Variants in DDX42 observed in about 807,000 individuals in gnomAD.
DDX42 encodes the protein ATP-dependent RNA helicase DDX42.
A neutral mutation model predicts 101.5 loss-of-function variants in DDX42; 22 were observed. The observed-to-expected ratio is 0.22, with a 90% CI of 0.15 to 0.31. The LOEUF (loss-of-function observed/expected upper bound fraction) is 0.31, where lower values mean the gene tolerates loss of function less well. Among genes scored for constraint, DDX42 ranks in the 10% least tolerant of loss-of-function variants. The pLI, the probability that DDX42 is intolerant of heterozygous loss-of-function variation, is 1.00. For missense variants in DDX42, 849 were observed against 1,199.9 expected (o/e 0.71, Z 4.32); for synonymous variants, 402 against 401.2 (o/e 1.00, Z -0.02).
At chr17:63,815,900 A>T (rs960609148) in intron 16 of DDX42, 3 of 271,458 alleles carry the variant, frequency 1.1e-5, no homozygotes, top group African/African-American at 4.5e-5. Context: ...TCAGGAAATT[A>T]TTCTAGATTA....
At chr17:63,800,749 G>T in intron 6 of DDX42, 132 bp downstream of exon 6, 1 of 1,088,070 alleles carries the variant, frequency 9.2e-7, no homozygotes, top group Non-Finnish European at 1.3e-6. Context: ...TCTACTAAGT[G>T]GTTGAGCCAC....
Position 63,817,762 on chromosome 17 carries a change from G to C in DDX42, c.2181G>C (p.Gly727=). ...AGAAGGCTGGAAGTTCTGCTGCTGG[G>C]GCAAGTGGGTGGACTAGTGCAGGGA... ...SNQKAGSSAA[G]ASGWTSAGSL... Residue 727 remains glycine (G), a synonymous_variant, in exon 18 of 18, where the codon GGG becomes GGC. Transcript: ENST00000389924. The C allele has an allele frequency of 6.2e-7, 1 of 1,614,180 alleles. No homozygotes were observed. Among genetic ancestry groups the C allele is most frequent in the Non-Finnish European group, 8.5e-7 (1 of 1,180,038 alleles).
At chr17:63,788,159 C>T (rs1324787288) in intron 2 of DDX42, among the ~76,000 whole-genome samples, 3 of 151,808 alleles carry the variant, frequency 2.0e-5, no homozygotes, top group Non-Finnish European at 4.4e-5. Context: ...CCCGCCTTGG[C>T]CTCCCAAAGT....
chr17:63,810,550 T>C lies in DDX42; in HGVS notation c.1290T>C (p.Pro430=). The C allele has an allele frequency of 6.2e-7, 1 of 1,614,118 alleles. No homozygotes were observed. The change falls in exon 12 of 18, where the codon CCT becomes CCC. Residue 430 remains proline, a synonymous_variant. Transcript: ENST00000389924. ...QVRSIASHVR[P]DRQTLLFSAT... ...GATCCATAGCAAGTCATGTTCGTCCTGACAGGCAGAGTATGTATGAAGCAC... is the reference window on the plus strand; with the variant it reads ...GATCCATAGCAAGTCATGTTCGTCCCGACAGGCAGAGTATGTATGAAGCAC...
At chr17:63,812,590 T>G (rs184775900) in intron 14 of DDX42, among the ~76,000 whole-genome samples, 1 of 152,322 alleles carries the variant, frequency 6.6e-6, no homozygotes, top group East Asian at 1.9e-4. Flanking sequence ...ATTTCTGGAT[T>G]TGTTCTGTCA....
Position 63,818,571 on chromosome 17 carries a change from T to A in DDX42, c.*173T>A, listed in dbSNP as rs1181170318. 1 of 641,372 alleles carries A rather than the reference T, an allele frequency of 1.6e-6. No homozygotes were observed. The highest frequency in any genetic ancestry group is 1.8e-5 in the African/African-American group (1 of 54,686). The allele number at this position is 641,372 out of a possible 1,614,324, so 39.7% of individuals were successfully genotyped here. ...TCAGAAGGAATTTTCGGATGTTTTCTTGGGAAGCTGTTTTGGTCCTTGGAA... is the reference window on the plus strand; with the variant it reads ...TCAGAAGGAATTTTCGGATGTTTTCATGGGAAGCTGTTTTGGTCCTTGGAA... On this transcript the variant is annotated 3_prime_UTR_variant, in exon 18 of 18. Transcript: ENST00000389924.
chr17:63,815,508 T>C (rs1364500179), intron 15 of DDX42, 55 bp from the exon 16 acceptor site: 1 of 1,361,160 alleles, frequency 7.3e-7, no homozygotes, highest in African/African-American at 1.4e-5. Flanking sequence ...CCTCGTTCTC[T>C]TCTTCTGTTC....
chr17:63,790,261 G>T (rs746518872), intron 2 of DDX42, among the ~76,000 whole-genome samples: 1 of 152,154 alleles, frequency 6.6e-6, no homozygotes, highest in Non-Finnish European at 1.5e-5. Context: ...AGTATATAGC[G>T]TGAGTATGCT....
chr17:63,795,439 G>A (rs771463331), intron 3 of DDX42, among the ~76,000 whole-genome samples: 2 of 152,158 alleles, frequency 1.3e-5, no homozygotes, highest in Non-Finnish European at 2.9e-5. Flanking sequence ...AAATTCCTAG[G>A]CTCAAGTGAT....
intron 3 of DDX42, among the ~76,000 whole-genome samples, chr17:63,793,537 G>C (rs951092860): frequency 6.6e-6 from 1 of 152,080 alleles, no homozygotes; most frequent in African/African-American, 2.4e-5. Context: ...CAAAGCGCTT[G>C]GACCACAGGC....
chr17:63,818,171 C>A lies in DDX42; in HGVS notation c.2590C>A (p.His864Asn). Reference sequence around the variant, plus strand: ...TGGCCATCGGCACGGGGAGAACAGACATGGAGGAAGCGCAGGCCGGCATGG... The same window carrying A: ...TGGCCATCGGCACGGGGAGAACAGAAATGGAGGAAGCGCAGGCCGGCATGG... Reference protein sequence around the residue: ...TDGHRHGENRHGGSAGRHGEN... With the variant: ...TDGHRHGENRNGGSAGRHGEN... Residue 864 changes from histidine to asparagine, a missense_variant, in exon 18 of 18, where the codon CAT (histidine) becomes AAT (asparagine). Transcript: ENST00000389924. 6.2e-7 allele frequency: 1 copy of A among 1,613,872 alleles called. No individual in the cohort carries two copies. Among genetic ancestry groups the A allele is most frequent in the Non-Finnish European group, 8.5e-7 (1 of 1,180,006 alleles).
chr17:63,809,323 CT>C (rs2039881500), intron 10 of DDX42, among the ~76,000 whole-genome samples: 1 of 152,224 alleles, frequency 6.6e-6, no homozygotes, highest in African/African-American at 2.4e-5. Flanking sequence ...GCCTCAAAAA[CT>C]GCTTCTGGCC....
At chr17:63,799,656 A>G in intron 5 of DDX42, 31 bp downstream of exon 5, 1 of 1,605,876 alleles carries the variant, frequency 6.2e-7, no homozygotes. Flanking sequence ...TCTATCTTTT[A>G]TTTTTATCCA....
chr17:63,810,980 T>G lies in DDX42; in HGVS notation c.1301-96T>G, dbSNP rs142374207. 2.8e-4 allele frequency: 268 copies of G among 966,198 alleles called. 3 individuals carry two copies. The African/African-American group carries it at 4.3e-3, about 16-fold the overall frequency. 59.9% of individuals were successfully genotyped at this position (966,198 alleles called of 1,614,324 possible). A position where few individuals can be genotyped will look rare whatever the true frequency, so the allele number is the denominator to read the frequency against. ...AATTTAAAGTTCAGGTGAGCTTATG[T>G]AAAAAAACTGAATAATCCTGAATGC... On this transcript the variant is annotated intron_variant, in intron 12 of 17. Transcript: ENST00000389924.
chr17:63,818,207 G>T lies in DDX42; in HGVS notation c.2626G>T (p.Gly876Cys). The change falls in exon 18 of 18, where the codon GGT becomes TGT. Residue 876 changes from glycine to cysteine, a missense_variant. Gly to Cys is a radical substitution (Grantham distance 159). Coordinates refer to ENST00000389924, the MANE Select transcript of DDX42 (RefSeq NM_203499.3). ...GSAGRHGENR[G>C]ANDGRNGESR... is the part of the protein sequence containing the mutation. ...CGCAGGCCGGCATGGGGAGAACCGG[G>T]GTGCAAATGATGGTCGGAATGGGGA... is the stretch of plus-strand genomic sequence containing the variant. 6.2e-7 allele frequency: 1 copy of T among 1,614,020 alleles called. No homozygotes were observed. Among genetic ancestry groups the T allele is most frequent in the Non-Finnish European group, 8.5e-7 (1 of 1,180,028 alleles).
chr17:63,806,945 C>A (rs1309757917), intron 8 of DDX42, among the ~76,000 whole-genome samples: 1 of 152,102 alleles, frequency 6.6e-6, no homozygotes, highest in Non-Finnish European at 1.5e-5. Flanking sequence ...TTCCTTCGTT[C>A]GTCACTTGAA....
intron 1 of DDX42, among the ~76,000 whole-genome samples, chr17:63,785,490 A>AGT (rs1427387126): frequency 2.0e-5 from 3 of 150,596 alleles, no homozygotes; most frequent in African/African-American, 7.3e-5. Context: ...GGCCAGGTGC[A>AGT]GTGGCTCATG....
intron 2 of DDX42, among the ~76,000 whole-genome samples, chr17:63,788,899 T>G (rs1323182733): frequency 1.3e-5 from 2 of 151,896 alleles, no homozygotes; most frequent in African/African-American, 4.8e-5. Flanking sequence ...TTGTTTTGTT[T>G]TTGTTGTTGT....
chr17:63,807,674 C>A, intron 8 of DDX42, 50 bp from the exon 9 acceptor site: 1 of 1,543,192 alleles, frequency 6.5e-7, no homozygotes, highest in South Asian at 1.2e-5. Context: ...TGCTTCAGTA[C>A]ATCTTTAGAA....
Sources: allele counts gnomAD v4.1 joint callset (sites outside exome capture counted in the v4.1 genomes callset), GRCh38; gene constraint gnomAD v4.1.1; transcripts MANE v1.5; gene names NCBI Gene and HGNC (gene_info 2026-07-23, HGNC 2026-07-21).